Variants in FBLN2 observed in about 807,000 individuals in gnomAD.
The protein encoded by FBLN2 is fibulin 2.
FBLN2 carries 81 observed loss-of-function variants against 123.7 expected under a neutral mutation model. The ratio of observed to expected loss-of-function variants is 0.65; its 90% CI spans 0.55 to 0.79. The LOEUF (loss-of-function observed/expected upper bound fraction) is 0.79. Ranked by LOEUF, FBLN2 falls within the 30% of genes least tolerant of loss-of-function variation. FBLN2 has a pLI of 0.00. For synonymous variants in FBLN2, 699 were observed against 701.4 expected (o/e 1.00, Z 0.05); for missense variants, 1,603 against 1,681.3 (o/e 0.95, Z 0.81).
At chr3:13,619,074 G>C in intron 7 of FBLN2, 57 bp downstream of exon 7, 1 of 1,367,528 alleles carries the variant, frequency 7.3e-7, no homozygotes, top group Non-Finnish European at 1.0e-6. Context: ...GGGTGGGTCT[G>C]GGCTGCTTGC....
rs865816597 is a variant in FBLN2, at chr3:13,571,035, G to C, written c.680G>C (p.Gly227Ala). The C allele has an allele frequency of 1.3e-5, 20 of 1,572,414 alleles. No individual in the cohort carries two copies. Among genetic ancestry groups the C allele is most frequent in the African/African-American group, 4.1e-5 (3 of 73,886 alleles). ...GGTGCAGTCCAGGCAGGCGCAGGGG[G>C]CCCCCCAGCTGCTCTGGGAGGTGGG... ...QAGAVQAGAG[G>A]PPAALGGGSQ... The change falls in exon 2 of 18, where the codon GGC becomes GCC. Residue 227 changes from glycine (G) to alanine (A), a missense_variant. Physicochemically the swap from Gly to Ala is moderately conservative, Grantham distance 60. Coordinates refer to ENST00000404922, the MANE Select transcript of FBLN2 (RefSeq NM_001004019.2).
chr3:13,626,424 A>T (rs769072494), intron 9 of FBLN2, 21 bp from the exon 10 acceptor site: 2 of 1,555,934 alleles, frequency 1.3e-6, no homozygotes, highest in Admixed American at 3.6e-5. Flanking sequence ...GCAGCCTCTG[A>T]TGGCCTCGCT....
chr3:13,618,324 G>A (rs773665225), intron 6 of FBLN2, 39 bp downstream of exon 6: 11 of 1,594,796 alleles, frequency 6.9e-6, no homozygotes, highest in Non-Finnish European at 8.6e-6. Context: ...CTATGGGAAG[G>A]GCTGATCTTG....
At chr3:13,625,774 G>A (rs1706015217) in intron 9 of FBLN2, among the ~76,000 whole-genome samples, 1 of 149,798 alleles carries the variant, frequency 6.7e-6, no homozygotes, top group Non-Finnish European at 1.5e-5. Context: ...CCCCTGCCAG[G>A]GATCCTTGCT....
intron 2 of FBLN2, among the ~76,000 whole-genome samples, chr3:13,580,125 C>T (rs527984823): frequency 4.7e-4 from 72 of 152,296 alleles, no homozygotes; most frequent in African/African-American, 1.6e-3. Flanking sequence ...TGTTGTTCCC[C>T]GGCTGGGGGC....
chr3:13,632,604 G>A (rs1706294213), intron 16 of FBLN2, among the ~76,000 whole-genome samples: 2 of 152,232 alleles, frequency 1.3e-5, no homozygotes, highest in East Asian at 1.9e-4. Context: ...GCAGAGTGGA[G>A]TGGCGTGGCA....
At chr3:13,550,147 C>A (rs1015415324) in intron 1 of FBLN2, among the ~76,000 whole-genome samples, 1 of 152,208 alleles carries the variant, frequency 6.6e-6, no homozygotes, top group Non-Finnish European at 1.5e-5. Context: ...CAGTCCCAGC[C>A]CCCCTGGCAC....
At chr3:13,574,514 TCA>T (rs918308198) in intron 2 of FBLN2, among the ~76,000 whole-genome samples, 7 of 152,080 alleles carry the variant, frequency 4.6e-5, no homozygotes, top group Non-Finnish European at 1.0e-4. Context: ...CTGGACATGC[TCA>T]GAGGCAGGGA....
chr3:13,633,954 AACACAC>A lies in FBLN2; in HGVS notation c.3215-2455_3215-2450del, dbSNP rs56947028. On this transcript the variant is annotated intron_variant, in intron 16 of 17. Transcript: ENST00000404922. ...CCTTAGCAGATATAAACACACTGCA[AACACAC>A]ACACACACACACACACACACACACA... Among the ~76,000 whole-genome samples the A allele has an allele frequency of 1.9e-3, 218 of 112,892 alleles. 2 individuals carry two copies. The highest frequency in any genetic ancestry group is 6.7e-3 in the African/African-American group (191 of 28,554). The allele number at this position is 112,892 out of a possible 152,430, so 74.1% of individuals were successfully genotyped here.
intron 1 of FBLN2, among the ~76,000 whole-genome samples, chr3:13,558,446 G>A (rs913441788): frequency 1.3e-5 from 2 of 151,996 alleles, no homozygotes; most frequent in African/African-American, 4.8e-5. Context: ...GAGTGAAAGT[G>A]CCTCTGTATG....
chr3:13,615,799 C>A (rs1448756608), intron 5 of FBLN2, among the ~76,000 whole-genome samples: 1 of 152,224 alleles, frequency 6.6e-6, no homozygotes, highest in African/African-American at 2.4e-5. Flanking sequence ...CAGGACTGGA[C>A]ACCTTGGCTC....
At chr3:13,573,343 A>C (rs1559404121) in intron 2 of FBLN2, among the ~76,000 whole-genome samples, 1 of 151,182 alleles carries the variant, frequency 6.6e-6, no homozygotes, top group Non-Finnish European at 1.5e-5. Context: ...CATCCTCTAC[A>C]TTGCAGCTCA....
intron 16 of FBLN2, among the ~76,000 whole-genome samples, 164 bp downstream of exon 16, chr3:13,631,621 G>A (rs1018950235): frequency 6.6e-6 from 1 of 152,222 alleles, no homozygotes; most frequent in African/African-American, 2.4e-5. Context: ...CTGAGGTTGT[G>A]CCTGGGATGA....
Position 13,637,376 on chromosome 3 carries a change from A to G in FBLN2, c.3339-186A>G, listed in dbSNP as rs535761787. Among the ~76,000 whole-genome samples, 5 of 152,344 alleles carry G rather than the reference A, an allele frequency of 3.3e-5. No individual in the cohort carries two copies. The South Asian group carries it at 1.0e-3, about 32-fold the overall frequency. ...ATTCCAGTGAGCCGGTGAAGGTTTT[A>G]TTAACCTCATCTCGCAGGCAAGGAA... On this transcript the variant is annotated intron_variant, in intron 17 of 17. Coordinates refer to ENST00000404922, the MANE Select transcript of FBLN2 (RefSeq NM_001004019.2).
chr3:13,556,783 G>C (rs367960339), intron 1 of FBLN2, among the ~76,000 whole-genome samples: 1 of 152,176 alleles, frequency 6.6e-6, no homozygotes, highest in Non-Finnish European at 1.5e-5. Context: ...CAGTGACTTC[G>C]GAAGTTGGCC....
intron 2 of FBLN2, among the ~76,000 whole-genome samples, chr3:13,601,477 C>T (rs1436894440): frequency 6.6e-6 from 1 of 152,182 alleles, no homozygotes; most frequent in Non-Finnish European, 1.5e-5. Flanking sequence ...ACTCTGGCAT[C>T]CTGGGAGGTG....
At chr3:13,620,268 C>T (rs146213713) in intron 8 of FBLN2, among the ~76,000 whole-genome samples, 2,669 of 152,254 alleles carry the variant, frequency 0.018, 74 homozygotes, top group African/African-American at 0.056. Flanking sequence ...TGCTGGTCCG[C>T]GGACACCACC....
At position 13,619,837 on chromosome 3, in the gene FBLN2, T is replaced by A. The variant is rs1705784906; in HGVS notation, c.2155+6T>A. 6.2e-7 allele frequency: 1 copy of A among 1,606,304 alleles called. No individual in the cohort carries two copies. The highest frequency in any genetic ancestry group is 8.5e-7 in the Non-Finnish European group (1 of 1,176,526). On this transcript the variant is annotated splice_donor_region_variant and intron_variant, in intron 8 of 17. Transcript: ENST00000404922. ...GGATGGCGTGTCCTGTGAAGGTGAG[T>A]GCCTTGGGGTGCCCTCCTACCTGTG... is the stretch of plus-strand genomic sequence containing the variant.
intron 2 of FBLN2, among the ~76,000 whole-genome samples, chr3:13,575,510 A>G (rs1396323724): frequency 6.6e-6 from 1 of 152,056 alleles, no homozygotes; most frequent in African/African-American, 2.4e-5. Context: ...CCGTCAGACA[A>G]GATAAGGGGG....
Sources: allele counts gnomAD v4.1 joint callset (sites outside exome capture counted in the v4.1 genomes callset), GRCh38; gene constraint gnomAD v4.1.1; transcripts MANE v1.5; gene names NCBI Gene and HGNC (gene_info 2026-07-23, HGNC 2026-07-21).